The following UNC13C variants were observed in gnomAD, a reference collection of about 807,000 sequenced individuals.
UNC13C encodes protein unc-13 homolog C.
Under a neutral mutation model 245.4 loss-of-function variants are expected in UNC13C, and 174 were observed. The observed-to-expected ratio is 0.71, with a 90% CI of 0.63 to 0.80. UNC13C has a LOEUF of 0.80. Ranked by LOEUF, UNC13C falls within the 30% of genes least tolerant of loss-of-function variation. The pLI is 0.00. For missense variants in UNC13C, 2,829 were observed against 2,602.9 expected, an observed-to-expected ratio of 1.09 and a Z score of -1.89; for synonymous variants, 992 against 895.1, an observed-to-expected ratio of 1.11 and a Z score of -1.93.
At chr15:54,381,469 G>A (rs900920659) in intron 17 of UNC13C, among the ~76,000 whole-genome samples, 8 of 152,012 alleles carry the variant, frequency 5.3e-5, no homozygotes, top group African/African-American at 1.4e-4. Context: ...TTTTAGGATC[G>A]TTTTCTCAAT....
chr15:54,280,768 A>G (rs1223023313), intron 10 of UNC13C, among the ~76,000 whole-genome samples: 2 of 107,190 alleles, frequency 1.9e-5, no homozygotes, highest in African/African-American at 8.2e-5. Flanking sequence ...ATACATACAT[A>G]CATATATATA....
rs551610857 is a variant in UNC13C, at chr15:54,346,467, A to G, written c.4713+7978A>G. Among the ~76,000 whole-genome samples, 24 of 152,312 alleles carry G rather than the reference A, an allele frequency of 1.6e-4. No individual in the cohort carries two copies. In the South Asian group the frequency reaches 5.0e-3, roughly 32 times the overall value. On this transcript the variant is annotated intron_variant, in intron 17 of 32. Transcript: ENST00000260323. ...CTTTGAATCTTCTCCAGATAATATG[A>G]TGCCTTGCCTGAAACAAGAAATTAA... is the stretch of plus-strand genomic sequence containing the variant.
the UNC13C span, among the ~76,000 whole-genome samples, chr15:53,867,658 G>C: frequency 6.6e-6 from 1 of 152,170 alleles, no homozygotes. Flanking sequence ...GATGATGGCT[G>C]TATTTTTTCT....
Position 54,014,687 on chromosome 15 carries a change from C to G in UNC13C, c.1784C>G (p.Ala595Gly). ...ELWQRKQEGT[A>G]TLYDSPKDQH... ...TGGCAGAGGAAACAGGAAGGAACAG[C>G]GACCCTGTATGACAGTCCCAAGGAC... is the stretch of plus-strand genomic sequence containing the variant. The change falls in exon 2 of 33, where the codon GCG becomes GGG. Residue 595 changes from alanine to glycine, a missense_variant. Physicochemically the swap from Ala to Gly is moderately conservative, Grantham distance 60. Transcript: ENST00000260323. 1 of 1,613,648 alleles carries G rather than the reference C, an allele frequency of 6.2e-7. No homozygotes were observed. The highest frequency in any genetic ancestry group is 8.5e-7 in the Non-Finnish European group (1 of 1,179,822).
Position 54,533,083 on chromosome 15 carries a change from A to G in UNC13C, c.5696+17A>G. 6.4e-7 allele frequency: 1 copy of G among 1,574,058 alleles called. No individual in the cohort carries two copies. The highest frequency in any genetic ancestry group is 2.3e-5 in the East Asian group (1 of 43,420). ...GGACAAAACGTAAGTTTTTTTGCCC[A>G]GTTTTCTCTTTACTTATTGCCCTAA... On this transcript the variant is annotated intron_variant, in intron 26 of 32. Transcript: ENST00000260323.
chr15:53,924,947 C>T, the UNC13C span, among the ~76,000 whole-genome samples: 2 of 152,148 alleles, frequency 1.3e-5, no homozygotes, highest in Non-Finnish European at 2.9e-5. Flanking sequence ...GTTTTCTAGC[C>T]TGCCTATAAC....
At chr15:54,115,986 G>C (rs978595820) in intron 2 of UNC13C, among the ~76,000 whole-genome samples, 1 of 151,950 alleles carries the variant, frequency 6.6e-6, no homozygotes, top group Non-Finnish European at 1.5e-5. Flanking sequence ...TATTTTTATA[G>C]TCATTTTAAA....
intron 30 of UNC13C, among the ~76,000 whole-genome samples, chr15:54,605,849 T>G (rs1899740144): frequency 6.6e-6 from 1 of 152,208 alleles, no homozygotes. Context: ...TCTCTCCGTA[T>G]AAACATCATT....
intron 2 of UNC13C, among the ~76,000 whole-genome samples, chr15:54,044,990 T>A (rs964097156): frequency 6.6e-6 from 1 of 152,168 alleles, no homozygotes; most frequent in Non-Finnish European, 1.5e-5. Flanking sequence ...TTATGCCATA[T>A]GTGATTTAAA....
At chr15:53,892,812 G>A in the UNC13C span, among the ~76,000 whole-genome samples, 1 of 152,066 alleles carries the variant, frequency 6.6e-6, no homozygotes, top group Non-Finnish European at 1.5e-5. Flanking sequence ...CATTGGATTA[G>A]AACATACTCC....
chr15:54,489,319 C>T (rs1012888505), intron 19 of UNC13C, among the ~76,000 whole-genome samples: 5 of 152,120 alleles, frequency 3.3e-5, no homozygotes, highest in African/African-American at 1.2e-4. Context: ...ATGTATTTTA[C>T]TTGTATGATT....
chr15:54,575,216 A>G (rs1320107657), intron 30 of UNC13C, among the ~76,000 whole-genome samples: 2 of 152,114 alleles, frequency 1.3e-5, no homozygotes, highest in Non-Finnish European at 2.9e-5. Flanking sequence ...TTGTAATTTT[A>G]GTAGAGACGG....
At chr15:54,284,217 A>G (rs2037080851) in intron 10 of UNC13C, among the ~76,000 whole-genome samples, 1 of 152,362 alleles carries the variant, frequency 6.6e-6, no homozygotes. Flanking sequence ...ATAAATATCA[A>G]ACATACATCC....
At chr15:54,341,803 C>T (rs1274925437) in intron 17 of UNC13C, among the ~76,000 whole-genome samples, 1 of 151,990 alleles carries the variant, frequency 6.6e-6, no homozygotes, top group Non-Finnish European at 1.5e-5. Context: ...AATGAAACCC[C>T]GTCTCTGCTA....
rs550434619 is a variant in UNC13C at position 54,066,194 on chromosome 15, A to T, written c.2983+50308A>T. On this transcript the variant is annotated intron_variant, in intron 2 of 32. Transcript: ENST00000260323. ...ATAAAAGATATGCATGGATCATCTG[A>T]ATTAATAAGTAAAGAGTTATAGATT... Among the ~76,000 whole-genome samples, 11 of 152,312 alleles carry T rather than the reference A, an allele frequency of 7.2e-5. No individual in the cohort carries two copies. The South Asian group carries it at 2.3e-3, about 32-fold the overall frequency.
chr15:54,511,623 C>A, intron 23 of UNC13C, 130 bp from the exon 24 acceptor site: 1 of 618,512 alleles, frequency 1.6e-6, no homozygotes. Flanking sequence ...GTTGAAATAG[C>A]AGAATTAGTA....
rs747658043 is a variant in UNC13C at position 54,532,897 on chromosome 15, T to C, written c.5547-20T>C. 2 of 1,437,796 alleles carry C rather than the reference T, an allele frequency of 1.4e-6. No homozygotes were observed. The highest frequency in any genetic ancestry group is 2.9e-5 in the African/African-American group (2 of 69,556). 89.1% of individuals were successfully genotyped at this position (1,437,796 alleles called of 1,614,324 possible). ...CAAAATGTATTCTTATATTTTAGAA[T>C]TTATATTCTTTATTTTTAGTTTCCA... On this transcript the variant is annotated intron_variant, in intron 25 of 32. Coordinates refer to ENST00000260323, the MANE Select transcript of UNC13C (RefSeq NM_001080534.3).
At chr15:54,410,139 T>C (rs1034680700) in intron 18 of UNC13C, among the ~76,000 whole-genome samples, 8 of 152,212 alleles carry the variant, frequency 5.3e-5, no homozygotes, top group Non-Finnish European at 8.8e-5. Flanking sequence ...ACATCAAGAA[T>C]TTTTTCACAC....
chr15:54,473,442 A>T (rs1042130249), intron 19 of UNC13C, among the ~76,000 whole-genome samples: 1 of 152,018 alleles, frequency 6.6e-6, no homozygotes, highest in East Asian at 1.9e-4. Flanking sequence ...GGCAAACACT[A>T]CAACTTTCTT....
Sources: gnomAD v4.1 joint callset for allele counts (sites outside exome capture counted in the v4.1 genomes callset) on GRCh38, gnomAD v4.1.1 for gene constraint, MANE v1.5 for transcripts, NCBI Gene and HGNC (gene_info 2026-07-23, HGNC 2026-07-21) for gene names.